Variants in PROS1 observed in about 807,000 individuals in gnomAD.
PROS1 encodes protein S.
PROS1 carries 29 observed loss-of-function variants against 75.9 expected under a neutral mutation model. That is an observed-to-expected ratio of 0.38 (90% CI 0.28 to 0.52). The LOEUF is 0.52. PROS1 is among the 20% of genes least tolerant of loss of function. The pLI, the probability that PROS1 is intolerant of heterozygous loss-of-function variation, is 0.83. For missense variants in PROS1, 680 were observed against 810.3 expected (o/e 0.84, Z 1.95); for synonymous variants, 245 against 280.6 (o/e 0.87, Z 1.27).
intron 2 of PROS1, 36 bp from the exon 3 acceptor site, chr3:93,924,300 C>A: frequency 2.5e-6 from 3 of 1,202,460 alleles, no homozygotes; most frequent in Non-Finnish European, 3.4e-6. Flanking sequence ...TCTTAGCAAA[C>A]CTAAATTTCA....
intron 6 of PROS1, among the ~76,000 whole-genome samples, chr3:93,902,888 G>GGTTTGTTT (rs373959612): frequency 6.6e-6 from 1 of 152,024 alleles, no homozygotes; most frequent in Admixed American, 6.6e-5. Context: ...TTGTGGTTTT[G>GGTTTGTTT]GTTTGTTTGT....
At chr3:93,907,864 C>T (rs573161560) in intron 4 of PROS1, among the ~76,000 whole-genome samples, 16 of 152,240 alleles carry the variant, frequency 1.1e-4, no homozygotes, top group African/African-American at 3.6e-4. Context: ...CTATTCTCAA[C>T]ATTAAGAGAA....
chr3:93,904,019 T>C (rs958343476), intron 6 of PROS1, among the ~76,000 whole-genome samples: 6 of 141,826 alleles, frequency 4.2e-5, no homozygotes, highest in South Asian at 4.6e-4. Flanking sequence ...CCTGTGTCCA[T>C]GTGATCTCAT....
intron 14 of PROS1, among the ~76,000 whole-genome samples, chr3:93,875,671 TATCTATCA>T (rs1333228609): frequency 7.7e-6 from 1 of 130,210 alleles, no homozygotes; most frequent in Non-Finnish European, 1.7e-5. Context: ...TCTATCTATC[TATCTATCA>T]TCTATCTATC....
At chr3:93,931,844 C>T (rs1362077880) in intron 1 of PROS1, among the ~76,000 whole-genome samples, 1 of 152,246 alleles carries the variant, frequency 6.6e-6, no homozygotes, top group Non-Finnish European at 1.5e-5. Context: ...ATACTCTGCT[C>T]TTGCACAACT....
intron 3 of PROS1, chr3:93,911,033 C>T: frequency 3.3e-6 from 1 of 301,366 alleles, no homozygotes; most frequent in Non-Finnish European, 6.4e-6. Context: ...AATTCCACAG[C>T]AGAAACAAGA....
intron 1 of PROS1, among the ~76,000 whole-genome samples, chr3:93,938,558 A>G (rs1709226496): frequency 6.6e-6 from 1 of 152,118 alleles, no homozygotes; most frequent in South Asian, 2.1e-4. Flanking sequence ...CAACCAGCCC[A>G]AGGAACATCT....
At chr3:93,880,511 A>C (rs1439710595) in intron 12 of PROS1, among the ~76,000 whole-genome samples, 1 of 152,138 alleles carries the variant, frequency 6.6e-6, no homozygotes, top group Non-Finnish European at 1.5e-5. Context: ...GTCTCCAAAA[A>C]AAAAAGAATG....
chr3:93,922,578 T>C (rs1708958679), intron 3 of PROS1, among the ~76,000 whole-genome samples: 1 of 152,206 alleles, frequency 6.6e-6, no homozygotes, highest in African/African-American at 2.4e-5. Context: ...CCCAAATATA[T>C]GGGTTACAAT....
At chr3:93,934,275 A>T (rs1315283056) in intron 1 of PROS1, among the ~76,000 whole-genome samples, 1 of 152,190 alleles carries the variant, frequency 6.6e-6, no homozygotes, top group African/African-American at 2.4e-5. Context: ...AAATAATTAC[A>T]TTAACTATAA....
intron 1 of PROS1, among the ~76,000 whole-genome samples, chr3:93,962,255 G>A (rs1406489988): frequency 2.0e-5 from 3 of 151,986 alleles, no homozygotes; most frequent in Non-Finnish European, 4.4e-5. Context: ...GAGATCTCAC[G>A]AGATTGAGAT....
chr3:93,874,892 T>G (rs1184591754), intron 14 of PROS1, among the ~76,000 whole-genome samples: 1 of 152,112 alleles, frequency 6.6e-6, no homozygotes, highest in East Asian at 1.9e-4. Context: ...ACAATTTTTT[T>G]GTTGAGCATA....
chr3:93,973,547 G>A lies in PROS1; in HGVS notation c.76+127C>T, dbSNP rs1415193781. Reference sequence around the variant, plus strand: ...CCACGGCTGTTTCCATCCGCTGGGTGTCTGTCGGTACTTACTGGAAACTTT... The same window carrying A: ...CCACGGCTGTTTCCATCCGCTGGGTATCTGTCGGTACTTACTGGAAACTTT... On this transcript the variant is annotated intron_variant, in intron 1 of 14. Transcript: ENST00000394236. 1.4e-5 allele frequency: 13 copies of A among 934,692 alleles called. No homozygotes were observed. In the East Asian group the frequency reaches 3.4e-4, roughly 25 times the overall value. The allele number at this position is 934,692 out of a possible 1,614,324, so 57.9% of individuals were successfully genotyped here.
intron 3 of PROS1, among the ~76,000 whole-genome samples, chr3:93,922,351 C>G (rs1264879308): frequency 3.3e-5 from 5 of 152,068 alleles, no homozygotes; most frequent in Admixed American, 6.5e-5. Context: ...AAGTTTCTCT[C>G]TCTTTACTAG....
chr3:93,971,998 A>C (rs1172502454), intron 1 of PROS1, among the ~76,000 whole-genome samples: 1 of 152,208 alleles, frequency 6.6e-6, no homozygotes, highest in Non-Finnish European at 1.5e-5. Flanking sequence ...TATCTGCTCT[A>C]TCAGTGTTAT....
chr3:93,880,991 G>C (rs1398102777), intron 12 of PROS1, among the ~76,000 whole-genome samples: 1 of 152,010 alleles, frequency 6.6e-6, no homozygotes. Context: ...ATTTGTGTTA[G>C]AAAAAGGGAA....
chr3:93,941,337 C>T (rs903574243), intron 1 of PROS1, among the ~76,000 whole-genome samples: 3 of 152,136 alleles, frequency 2.0e-5, no homozygotes, highest in African/African-American at 2.4e-5. Flanking sequence ...CCATCCATTA[C>T]CTAACTTGGC....
At chr3:93,905,660 C>A in intron 6 of PROS1, 124 bp downstream of exon 6, 1 of 1,046,008 alleles carries the variant, frequency 9.6e-7, no homozygotes, top group Non-Finnish European at 1.4e-6. Flanking sequence ...GCTTCAATGT[C>A]GATAAAAATG....
intron 3 of PROS1, 187 bp from the exon 4 acceptor site, chr3:93,910,892 G>A: frequency 5.0e-6 from 3 of 594,988 alleles, no homozygotes; most frequent in Non-Finnish European, 9.1e-6. Flanking sequence ...CAAGCAAGAT[G>A]GCAACAGATA....
Sources: gnomAD v4.1 joint callset for allele counts (sites outside exome capture counted in the v4.1 genomes callset) on GRCh38, gnomAD v4.1.1 for gene constraint, MANE v1.5 for transcripts, NCBI Gene and HGNC (gene_info 2026-07-23, HGNC 2026-07-21) for gene names.